LRRCC1: variants seen among roughly 807,000 people sequenced by gnomAD.
The protein encoded by LRRCC1 is leucine-rich repeat and coiled-coil domain-containing protein 1.
LRRCC1 carries 115 observed loss-of-function variants against 126.0 expected under a neutral mutation model. The observed-to-expected ratio is 0.91, with a 90% CI of 0.78 to 1.07. The LOEUF (loss-of-function observed/expected upper bound fraction) is 1.07. Among genes scored for constraint, LRRCC1 ranks in the 50% least tolerant of loss-of-function variants. The pLI is 0.00. For missense variants in LRRCC1, 1,172 were observed against 1,175.7 expected, an observed-to-expected ratio of 1.00 and a Z score of 0.05; for synonymous variants, 400 against 393.4, an observed-to-expected ratio of 1.02 and a Z score of -0.20.
chr8:85,130,185 G>T (rs1810349684), intron 11 of LRRCC1, 127 bp downstream of exon 11: 1 of 615,952 alleles, frequency 1.6e-6, no homozygotes, highest in Non-Finnish European at 2.5e-6. Flanking sequence ...GTCCAGGCTG[G>T]AGTGCAATGG....
intron 14 of LRRCC1, 116 bp downstream of exon 14, chr8:85,136,079 C>T (rs1356092730): frequency 3.5e-6 from 3 of 851,696 alleles, no homozygotes; most frequent in Non-Finnish European, 1.6e-6. Context: ...AAAGGTGACC[C>T]TTTATCTGGA....
rs1485703169 is a variant in LRRCC1 at position 85,129,397 on chromosome 8, T to C, written c.1626+18T>C. The C allele has an allele frequency of 3.2e-6, 5 of 1,575,886 alleles. No individual in the cohort carries two copies. The highest frequency in any genetic ancestry group is 4.3e-6 in the Non-Finnish European group (5 of 1,156,736). On this transcript the variant is annotated intron_variant, in intron 10 of 18. Transcript: ENST00000360375. Reference sequence around the variant, plus strand: ...CAGCACAGGTATTTCTCTATTTTAATATATGAGTAGCACAGATTAACACAA... The same window carrying C: ...CAGCACAGGTATTTCTCTATTTTAACATATGAGTAGCACAGATTAACACAA...
chr8:85,109,971 T>C (rs1587361742), intron 2 of LRRCC1, 144 bp from the exon 3 acceptor site: 4 of 604,396 alleles, frequency 6.6e-6, no homozygotes, highest in East Asian at 5.9e-5. Context: ...TTCTGTTTTT[T>C]CTAAATGCCA....
chr8:85,125,411 C>T (rs1211792847), intron 8 of LRRCC1, among the ~76,000 whole-genome samples: 2 of 151,924 alleles, frequency 1.3e-5, no homozygotes, highest in Admixed American at 6.6e-5. Context: ...CGGTGGCTCA[C>T]GCCTGTAATC....
intron 6 of LRRCC1, among the ~76,000 whole-genome samples, chr8:85,116,248 A>G (rs1809116513): frequency 6.6e-6 from 1 of 152,212 alleles, no homozygotes; most frequent in African/African-American, 2.4e-5. Context: ...CTACTATCTG[A>G]CTGCAATAGA....
chr8:85,110,979 A>G (rs1269267890), intron 3 of LRRCC1, among the ~76,000 whole-genome samples: 1 of 152,246 alleles, frequency 6.6e-6, no homozygotes, highest in Non-Finnish European at 1.5e-5. Flanking sequence ...GTTGCTTAGT[A>G]TACAAAAAAT....
At position 85,123,448 on chromosome 8, in the gene LRRCC1, C is replaced by A; in HGVS notation, c.966C>A (p.Asp322Glu). ...SNSIDNVLEK[D>E]PRPKRDTDIT... The stretch of plus-strand genomic sequence containing the variant: ...CAATAGATAACGTTCTTGAGAAAGA[C>A]CCCAGACCAAAAAGAGACACAGATA... Residue 322 changes from aspartate to glutamate, a missense_variant, in exon 7 of 19, where the codon GAC becomes GAA. Coordinates refer to ENST00000360375, the MANE Select transcript of LRRCC1 (RefSeq NM_033402.5). 5.6e-6 allele frequency: 9 copies of A among 1,604,394 alleles called. No individual in the cohort carries two copies. The South Asian group carries it at 1.0e-4, about 18-fold the overall frequency.
intron 17 of LRRCC1, among the ~76,000 whole-genome samples, chr8:85,139,242 C>T (rs1222374964): frequency 6.6e-6 from 1 of 152,040 alleles, no homozygotes; most frequent in South Asian, 2.1e-4. Context: ...GTTGCCAGCA[C>T]AAGCTGAGGA....
intron 12 of LRRCC1, among the ~76,000 whole-genome samples, chr8:85,134,481 G>A (rs1463622203): frequency 6.6e-5 from 10 of 151,978 alleles, no homozygotes; most frequent in South Asian, 2.1e-4. Flanking sequence ...CACCACACCC[G>A]GCTAATTTTT....
chr8:85,134,784 C>G, intron 12 of LRRCC1, 63 bp from the exon 13 acceptor site: 1 of 1,084,430 alleles, frequency 9.2e-7, no homozygotes, highest in East Asian at 2.9e-5. Context: ...ATACTATTTC[C>G]AGAAGCAAAT....
At chr8:85,116,125 G>A (rs569190430) in intron 6 of LRRCC1, among the ~76,000 whole-genome samples, 1 of 152,118 alleles carries the variant, frequency 6.6e-6, no homozygotes, top group Admixed American at 6.6e-5. Context: ...TTTAGAATCT[G>A]TGAACTATGT....
chr8:85,142,239 G>A (rs908568760), intron 18 of LRRCC1, among the ~76,000 whole-genome samples: 2 of 152,112 alleles, frequency 1.3e-5, no homozygotes, highest in African/African-American at 2.4e-5. Flanking sequence ...GTTGCAGTGA[G>A]CCGAGATTGC....
chr8:85,131,112 A>C (rs996659339), intron 11 of LRRCC1, among the ~76,000 whole-genome samples: 1 of 152,170 alleles, frequency 6.6e-6, no homozygotes, highest in African/African-American at 2.4e-5. Flanking sequence ...TCTGGGGAAA[A>C]TTGTTATCTT....
At chr8:85,130,593 A>C (rs1490015214) in intron 11 of LRRCC1, among the ~76,000 whole-genome samples, 1 of 152,214 alleles carries the variant, frequency 6.6e-6, no homozygotes, top group Non-Finnish European at 1.5e-5. Flanking sequence ...CTTTGTTATC[A>C]GCATTTGAGG....
At chr8:85,129,153 C>G in intron 9 of LRRCC1, 22 bp from the exon 10 acceptor site, 1 of 1,511,736 alleles carries the variant, frequency 6.6e-7, no homozygotes, top group Non-Finnish European at 9.1e-7. Context: ...ATACTTAACA[C>G]CACATATAAC....
Position 85,138,262 on chromosome 8 carries a change from T to C in LRRCC1, c.2702+19T>C. ...CTTACAGGTATTATATAGTACAGTA[T>C]TTCCCACTGAGAAATAAAATGTGGC... is the stretch of plus-strand genomic sequence containing the variant. On this transcript the variant is annotated intron_variant, in intron 16 of 18. Coordinates refer to ENST00000360375, the MANE Select transcript of LRRCC1 (RefSeq NM_033402.5). 6.3e-7 allele frequency: 1 copy of C among 1,581,242 alleles called. No individual in the cohort carries two copies. Among genetic ancestry groups the C allele is most frequent in the Non-Finnish European group, 8.6e-7 (1 of 1,165,418 alleles).
rs111908293 is a variant in LRRCC1, at chr8:85,137,892, A to G, written c.2494-143A>G. The G allele has an allele frequency of 3.6e-3, 1,955 of 550,692 alleles. 37 individuals are homozygous for G. Among genetic ancestry groups the G allele is most frequent in the African/African-American group, 0.034 (1,776 of 51,682 alleles). 34.1% of individuals were successfully genotyped at this position (550,692 alleles called of 1,614,324 possible). ...GAATAACTGGAAATACCCAATGTCA[A>G]TTAAGGGTTAGGAGTCACAAGAAAA... On this transcript the variant is annotated intron_variant, in intron 15 of 18. Transcript: ENST00000360375.
At chr8:85,107,467 G>A (rs369190714) in intron 1 of LRRCC1, 68 bp downstream of exon 1, 18 of 1,370,912 alleles carry the variant, frequency 1.3e-5, no homozygotes, top group African/African-American at 1.3e-4. Flanking sequence ...AGTGGCTGGC[G>A]GCGACACCAG....
intron 1 of LRRCC1, 157 bp downstream of exon 1, chr8:85,107,556 T>C: frequency 1.7e-6 from 1 of 590,106 alleles, no homozygotes; most frequent in South Asian, 2.8e-5. Context: ...CTCCAAAACT[T>C]ACCTGCCGAA....
Sources: allele counts gnomAD v4.1 joint callset (sites outside exome capture counted in the v4.1 genomes callset), GRCh38; gene constraint gnomAD v4.1.1; transcripts MANE v1.5; gene names NCBI Gene and HGNC (gene_info 2026-07-23, HGNC 2026-07-21).